The following INSL6 variants were observed in gnomAD, a reference collection of about 807,000 sequenced individuals.
INSL6 encodes the protein insulin like 6.
In INSL6, 16 loss-of-function variants were observed where a neutral mutation model predicts 9.4. That is an observed-to-expected ratio of 1.70 (90% CI 1.15 to 2.59). The LOEUF (loss-of-function observed/expected upper bound fraction) is 2.59, where lower values mean the gene tolerates loss of function less well. Ranked by LOEUF, INSL6 falls within the 30% of genes most tolerant of loss-of-function variation. The pLI is 0.00. For missense variants in INSL6, 391 were observed against 257.3 expected (o/e 1.52, Z -3.56); for synonymous variants, 154 against 96.9 (o/e 1.59, Z -3.46).
At chr9:5,178,034 C>A (rs1825352373) in intron 1 of INSL6, among the ~76,000 whole-genome samples, 1 of 152,178 alleles carries the variant, frequency 6.6e-6, no homozygotes, top group Non-Finnish European at 1.5e-5. Flanking sequence ...TGCCACCATG[C>A]CTAGCTAATT....
At chr9:5,029,737 T>C in the INSL6 span, 42 of 1,507,068 alleles carry the variant, frequency 2.8e-5, no homozygotes, top group Middle Eastern at 1.8e-4. Context: ...TGTAAAAATA[T>C]TCTGTTGTGT....
chr9:5,030,142 CCTT>C, the INSL6 span, among the ~76,000 whole-genome samples: 4 of 152,080 alleles, frequency 2.6e-5, no homozygotes, highest in African/African-American at 9.7e-5. Flanking sequence ...CCACTTAACT[CCTT>C]ATGATTATAA....
the INSL6 span, among the ~76,000 whole-genome samples, chr9:5,030,088 G>T: frequency 6.6e-6 from 1 of 152,122 alleles, no homozygotes; most frequent in Non-Finnish European, 1.5e-5. Flanking sequence ...TATACATGTT[G>T]TGTAAGTAGA....
the INSL6 span, among the ~76,000 whole-genome samples, chr9:5,104,025 A>G: frequency 1.3e-5 from 2 of 152,202 alleles, no homozygotes; most frequent in Non-Finnish European, 2.9e-5. Flanking sequence ...AGCAAGAGCA[A>G]ACAAATTCAA....
At chr9:5,148,423 C>A (rs1482991539) in intron 2 of INSL6, among the ~76,000 whole-genome samples, 4 of 152,130 alleles carry the variant, frequency 2.6e-5, no homozygotes, top group African/African-American at 9.7e-5. Flanking sequence ...AGGTGACCCC[C>A]CTCACCCGGT....
At chr9:5,003,071 A>G in the INSL6 span, among the ~76,000 whole-genome samples, 2 of 151,924 alleles carry the variant, frequency 1.3e-5, no homozygotes, top group African/African-American at 2.4e-5. Context: ...TTTGGACTCT[A>G]TTCTGTTCCA....
the INSL6 span, among the ~76,000 whole-genome samples, chr9:5,035,501 C>T: frequency 7.2e-5 from 11 of 152,112 alleles, no homozygotes; most frequent in South Asian, 4.1e-4. Context: ...ACTGGCAAAC[C>T]GAATCCAGCA....
the INSL6 span, among the ~76,000 whole-genome samples, chr9:5,030,367 TA>T: frequency 6.6e-6 from 1 of 152,174 alleles, no homozygotes; most frequent in African/African-American, 2.4e-5. Flanking sequence ...TAATTTATGG[TA>T]ATGTGTAATG....
chr9:5,184,120 T>C (rs916486261), intron 1 of INSL6, among the ~76,000 whole-genome samples: 1 of 152,216 alleles, frequency 6.6e-6, no homozygotes, highest in Non-Finnish European at 1.5e-5. Flanking sequence ...TTTTATTCTT[T>C]CAGCAACAGT....
the INSL6 span, among the ~76,000 whole-genome samples, chr9:5,027,336 G>A: frequency 1.3e-5 from 2 of 152,288 alleles, no homozygotes; most frequent in South Asian, 4.1e-4. Flanking sequence ...TCTGTAGTCT[G>A]TTAAGTATGC....
At chr9:5,072,560 C>T in the INSL6 span, 929 of 1,609,730 alleles carry the variant, frequency 5.8e-4, 1 homozygote, top group Middle Eastern at 9.9e-4. Flanking sequence ...TAGGAGACTA[C>T]GGTCAACTGC....
At chr9:5,077,907 T>G in the INSL6 span, among the ~76,000 whole-genome samples, 2 of 152,172 alleles carry the variant, frequency 1.3e-5, no homozygotes, top group African/African-American at 4.8e-5. Context: ...TACATTATGG[T>G]CCATGAGAAA....
intron 1 of INSL6, among the ~76,000 whole-genome samples, chr9:5,165,592 C>T (rs915633207): frequency 6.6e-6 from 1 of 152,110 alleles, no homozygotes; most frequent in Admixed American, 6.5e-5. Context: ...AAATCCTTTG[C>T]CCATTTTCAA....
At chr9:4,994,291 A>G in the INSL6 span, among the ~76,000 whole-genome samples, 3 of 152,334 alleles carry the variant, frequency 2.0e-5, no homozygotes, top group Middle Eastern at 3.4e-3. Context: ...CCAAGAACCT[A>G]TTGAAGACAG....
chr9:5,133,854 T>C (rs565815519), intron 2 of INSL6, among the ~76,000 whole-genome samples: 39 of 152,044 alleles, frequency 2.6e-4, no homozygotes, highest in African/African-American at 8.5e-4. Flanking sequence ...GGTTGATGAA[T>C]TGACAGAAGT....
chr9:4,999,787 A>G, the INSL6 span, among the ~76,000 whole-genome samples: 2 of 152,210 alleles, frequency 1.3e-5, no homozygotes, highest in African/African-American at 2.4e-5. Context: ...TCTGTTGGCT[A>G]AGTTGCCACA....
At chr9:5,010,071 C>G in the INSL6 span, among the ~76,000 whole-genome samples, 1 of 152,164 alleles carries the variant, frequency 6.6e-6, no homozygotes, top group Admixed American at 6.5e-5. Context: ...CGCACCTAGC[C>G]TATGTATGTT....
chr9:5,078,837 T>C, the INSL6 span, among the ~76,000 whole-genome samples: 1 of 152,158 alleles, frequency 6.6e-6, no homozygotes, highest in Non-Finnish European at 1.5e-5. Flanking sequence ...TGTGAAGAAA[T>C]TAGTTTAATT....
At chr9:5,085,937 G>A in the INSL6 span, 1 of 1,110,572 alleles carries the variant, frequency 9.0e-7, no homozygotes, top group Non-Finnish European at 1.4e-6. Context: ...CTCTCCAACC[G>A]AGTTTGAAAG....
Sources: gnomAD v4.1 joint callset for allele counts (sites outside exome capture counted in the v4.1 genomes callset) on GRCh38, gnomAD v4.1.1 for gene constraint, MANE v1.5 for transcripts, NCBI Gene and HGNC (gene_info 2026-07-23, HGNC 2026-07-21) for gene names.